The following LIPC variants were observed in gnomAD, a reference collection of about 807,000 sequenced individuals.
LIPC encodes the protein hepatic triacylglycerol lipase.
In LIPC, 44 loss-of-function variants were observed where a neutral mutation model predicts 50.7. The observed-to-expected ratio is 0.87, with a 90% CI of 0.68 to 1.11. The LOEUF is 1.11. LIPC is among the 50% of genes most tolerant of loss of function. LIPC has a pLI of 0.00. For synonymous variants in LIPC, 271 were observed against 256.4 expected (o/e 1.06, Z -0.54); for missense variants, 697 against 648.2 (o/e 1.08, Z -0.82).
intron 1 of LIPC, among the ~76,000 whole-genome samples, chr15:58,527,880 C>T (rs1292045243): frequency 1.3e-5 from 2 of 152,142 alleles, no homozygotes; most frequent in Non-Finnish European, 2.9e-5. Context: ...GCCGCAGGTC[C>T]GCACATGGGG....
chr15:58,449,136 C>G (rs1230374636), intron 1 of LIPC, among the ~76,000 whole-genome samples: 1 of 152,176 alleles, frequency 6.6e-6, no homozygotes, highest in African/African-American at 2.4e-5. Context: ...TCCAAGGGCC[C>G]TTTGTCCTTC....
Position 58,538,351 on chromosome 15 carries a change from C to T in LIPC, c.107C>T (p.Ala36Val), listed in dbSNP as rs1184798854. Reference protein sequence around the residue: ...SLKPEPFGRRAQAVETNKTLH... With the variant: ...SLKPEPFGRRVQAVETNKTLH... The stretch of plus-strand genomic sequence containing the variant: ...ATTGCAGAGCCATTTGGAAGAAGAG[C>T]TCAAGCTGTTGAAACAAACAAAACG... Residue 36 changes from alanine to valine, a missense_variant, in exon 2 of 9, where the codon GCT (alanine) becomes GTT (valine). By Grantham distance (64) the Ala-to-Val change is moderately conservative. Transcript: ENST00000299022. 4 of 1,614,202 alleles carry T rather than the reference C, an allele frequency of 2.5e-6. No homozygotes were observed. The East Asian group carries it at 6.7e-5, about 27-fold the overall frequency.
At position 58,545,953 on chromosome 15, in the gene LIPC, T is replaced by C. The variant is rs1390647445; in HGVS notation, c.786T>C (p.His262=). The change falls in exon 5 of 9, where the codon CAT becomes CAC. Residue 262 remains histidine, a synonymous_variant. Transcript: ENST00000299022. ...GCCACTTCCTAGAGCTCTACAGACA[T>C]ATTGCCCAGCACGGCTTCAATGGTG... ...PGCHFLELYR[H]IAQHGFNAIT... is the part of the protein sequence containing the mutation. 1.2e-6 allele frequency: 2 copies of C among 1,613,712 alleles called. No homozygotes were observed. Among genetic ancestry groups the C allele is most frequent in the Admixed American group, 1.7e-5 (1 of 60,014 alleles).
chr15:58,439,887 A>G (rs1204006117), intron 1 of LIPC, among the ~76,000 whole-genome samples: 1 of 152,120 alleles, frequency 6.6e-6, no homozygotes, highest in African/African-American at 2.4e-5. Flanking sequence ...TAGAGAAAAA[A>G]CAAAAGAACC....
chr15:58,564,923 G>C (rs1478473026), intron 8 of LIPC, among the ~76,000 whole-genome samples: 1 of 152,004 alleles, frequency 6.6e-6, no homozygotes, highest in Non-Finnish European at 1.5e-5. Flanking sequence ...TTCAGGAAAC[G>C]GTCTCTCCTC....
intron 1 of LIPC, among the ~76,000 whole-genome samples, chr15:58,464,400 A>G (rs1313361573): frequency 6.6e-6 from 1 of 152,232 alleles, no homozygotes; most frequent in African/African-American, 2.4e-5. Flanking sequence ...TTCCCACACA[A>G]CAGAGTTCAA....
At chr15:58,555,064 T>C (rs7178362) in intron 6 of LIPC, among the ~76,000 whole-genome samples, 19,237 of 152,154 alleles carry the variant, frequency 0.13, 1,258 homozygotes, top group Admixed American at 0.2. Flanking sequence ...ACACATGTTG[T>C]AGAAATAGGC....
chr15:58,527,018 C>A (rs902006816), intron 1 of LIPC, among the ~76,000 whole-genome samples: 5 of 152,302 alleles, frequency 3.3e-5, no homozygotes, highest in East Asian at 3.9e-4. Flanking sequence ...CTATGGCAAC[C>A]TGGAAACTGT....
At chr15:58,517,286 G>T (rs942440081) in intron 1 of LIPC, among the ~76,000 whole-genome samples, 2 of 152,342 alleles carry the variant, frequency 1.3e-5, no homozygotes, top group East Asian at 3.9e-4. Context: ...CAGGGCTCTT[G>T]CCTCTCAGAG....
At chr15:58,496,823 T>C (rs1278227961) in intron 1 of LIPC, among the ~76,000 whole-genome samples, 1 of 149,496 alleles carries the variant, frequency 6.7e-6, no homozygotes, top group Non-Finnish European at 1.5e-5. Context: ...CTCCAGGGAT[T>C]ACAGGTCTGC....
At chr15:58,450,038 C>A (rs1330308255) in intron 1 of LIPC, among the ~76,000 whole-genome samples, 4 of 152,180 alleles carry the variant, frequency 2.6e-5, no homozygotes, top group Non-Finnish European at 5.9e-5. Flanking sequence ...TGGAGAGACC[C>A]TTAGCACCTT....
intron 6 of LIPC, among the ~76,000 whole-genome samples, chr15:58,552,328 G>A (rs1893791329): frequency 6.6e-6 from 1 of 152,190 alleles, no homozygotes; most frequent in South Asian, 2.1e-4. Context: ...CACAATTTGT[G>A]AGCAGGAAGC....
chr15:58,471,327 A>AT (rs1894791098), intron 1 of LIPC, among the ~76,000 whole-genome samples: 1 of 6,882 alleles, frequency 1.5e-4, no homozygotes, highest in Non-Finnish European at 8.3e-4. Flanking sequence ...TTTAGTAGAG[A>AT]TGGGGGGGGG....
chr15:58,461,233 T>C (rs1213949077), intron 1 of LIPC, among the ~76,000 whole-genome samples: 1 of 152,224 alleles, frequency 6.6e-6, no homozygotes, highest in Non-Finnish European at 1.5e-5. Context: ...ATACCAGTTA[T>C]CCCACCAAGT....
Position 58,432,098 on chromosome 15 carries a change from C to T in LIPC, c.66C>T (p.Ala22=). ...LVLCIFIQSS[A]LGQSLKPEPF... The stretch of plus-strand genomic sequence containing the variant: ...TATGCATCTTTATCCAATCAAGTGC[C>T]CTTGGACAAAGCCTGAAACCAGGTA... Residue 22 remains alanine (A), a synonymous_variant, in exon 1 of 9, where the codon GCC becomes GCT. Coordinates refer to ENST00000299022, the MANE Select transcript of LIPC (RefSeq NM_000236.3). 6.2e-7 allele frequency: 1 copy of T among 1,613,630 alleles called. No individual in the cohort carries two copies. The highest frequency in any genetic ancestry group is 8.5e-7 in the Non-Finnish European group (1 of 1,179,634).
At chr15:58,546,915 G>A (rs1893549415) in intron 5 of LIPC, among the ~76,000 whole-genome samples, 1 of 151,978 alleles carries the variant, frequency 6.6e-6, no homozygotes, top group Non-Finnish European at 1.5e-5. Flanking sequence ...CTGGGAACTT[G>A]CCCTTATCAT....
chr15:58,537,970 A>T (rs924625740), intron 1 of LIPC, among the ~76,000 whole-genome samples: 7 of 152,176 alleles, frequency 4.6e-5, no homozygotes, highest in South Asian at 2.1e-4. Context: ...CCTGGGTTCA[A>T]ATCCTGTCTC....
chr15:58,510,517 T>C (rs972465683), intron 1 of LIPC, among the ~76,000 whole-genome samples: 37 of 152,250 alleles, frequency 2.4e-4, no homozygotes, highest in African/African-American at 8.4e-4. Context: ...CAAAAAGTGT[T>C]TTATGAAATG....
At chr15:58,515,894 G>C (rs1301438860) in intron 1 of LIPC, among the ~76,000 whole-genome samples, 13 of 152,260 alleles carry the variant, frequency 8.5e-5, no homozygotes, top group South Asian at 8.3e-4. Flanking sequence ...GTGTGTTCTA[G>C]AACTCGGATC....
Sources: gnomAD v4.1 joint callset for allele counts (sites outside exome capture counted in the v4.1 genomes callset) on GRCh38, gnomAD v4.1.1 for gene constraint, MANE v1.5 for transcripts, NCBI Gene and HGNC (gene_info 2026-07-23, HGNC 2026-07-21) for gene names.